The following ZNF423 variants were observed in gnomAD, a reference collection of about 807,000 sequenced individuals.
ZNF423 encodes the protein Ebf-associated zinc finger protein.
Under a neutral mutation model 95.8 loss-of-function variants are expected in ZNF423, and 12 were observed. That is an observed-to-expected ratio of 0.13 (90% CI 0.08 to 0.20). ZNF423 has a LOEUF of 0.20. Among genes scored for constraint, ZNF423 ranks in the 10% least tolerant of loss-of-function variants. The pLI is 1.00. For synonymous variants in ZNF423, 749 were observed against 711.9 expected, an observed-to-expected ratio of 1.05 and a Z score of -0.83; for missense variants, 1,316 against 1,737.1, an observed-to-expected ratio of 0.76 and a Z score of 4.31.
chr16:49,790,935 C>T (rs961686759), intron 1 of ZNF423, among the ~76,000 whole-genome samples: 5 of 152,104 alleles, frequency 3.3e-5, no homozygotes, highest in Non-Finnish European at 5.9e-5. Flanking sequence ...GAACAGTGGC[C>T]CAACCAACCG....
At chr16:49,823,377 T>G (rs893738363) in intron 1 of ZNF423, among the ~76,000 whole-genome samples, 14 of 152,208 alleles carry the variant, frequency 9.2e-5, no homozygotes, top group Non-Finnish European at 1.2e-4. Context: ...TTGTTTAATC[T>G]TCACAGCTGT....
intron 7 of ZNF423, among the ~76,000 whole-genome samples, chr16:49,516,056 G>A (rs1003428137): frequency 5.3e-5 from 8 of 152,208 alleles, no homozygotes; most frequent in South Asian, 4.1e-4. Flanking sequence ...CACGGCGCCC[G>A]GACGTGGCTC....
At chr16:49,491,742 CCGTGG>C (rs1396217235) in intron 7 of ZNF423, among the ~76,000 whole-genome samples, 1 of 152,118 alleles carries the variant, frequency 6.6e-6, no homozygotes, top group Non-Finnish European at 1.5e-5. Flanking sequence ...TCAGTCTTCC[CCGTGG>C]CTGCTCCGAG....
chr16:49,785,451 A>G (rs2034295422), intron 2 of ZNF423, among the ~76,000 whole-genome samples: 1 of 152,278 alleles, frequency 6.6e-6, no homozygotes, highest in Non-Finnish European at 1.5e-5. Context: ...ATCTCTAAAT[A>G]TACCAAAATT....
rs561578299 is a variant in ZNF423 at position 49,737,550 on chromosome 16, G to A, written c.101-6579C>T. ...GCTGGGAATACAGGTGTGAGCCACC[G>A]CACCCAGCTGATCCTGACTCTTAAC... is the stretch of plus-strand genomic sequence containing the variant. On this transcript the variant is annotated intron_variant, in intron 2 of 7. Coordinates refer to ENST00000563137, the MANE Select transcript of ZNF423 (RefSeq NM_001379286.1). Among the ~76,000 whole-genome samples, 22 of 152,290 alleles carry A rather than the reference G, an allele frequency of 1.4e-4. No individual in the cohort carries two copies. The South Asian group carries it at 3.5e-3, about 24-fold the overall frequency.
intron 1 of ZNF423, among the ~76,000 whole-genome samples, chr16:49,837,428 C>T (rs112188670): frequency 3.9e-5 from 6 of 152,208 alleles, no homozygotes; most frequent in Admixed American, 6.5e-5. Context: ...TGGAACCACA[C>T]AGTGCACAGA....
At chr16:49,597,643 C>G (rs1290820666) in intron 5 of ZNF423, among the ~76,000 whole-genome samples, 3 of 152,060 alleles carry the variant, frequency 2.0e-5, no homozygotes, top group African/African-American at 7.2e-5. Context: ...GCAAGCCTGC[C>G]TGGTGTCCAT....
chr16:49,668,457 C>A (rs2030645559), intron 3 of ZNF423, among the ~76,000 whole-genome samples: 1 of 152,160 alleles, frequency 6.6e-6, no homozygotes, highest in Non-Finnish European at 1.5e-5. Flanking sequence ...TTGTTGAGAC[C>A]CCAGGGAGTG....
intron 1 of ZNF423, among the ~76,000 whole-genome samples, chr16:49,836,923 C>T (rs964571811): frequency 2.0e-5 from 3 of 152,218 alleles, no homozygotes; most frequent in Non-Finnish European, 2.9e-5. Flanking sequence ...CAGGCCTCTA[C>T]ATTCCCCTGG....
At chr16:49,858,947 G>A (rs1421827539), upstream of ZNF423, among the ~76,000 whole-genome samples, 1 of 152,174 alleles carries the variant, frequency 6.6e-6, no homozygotes, top group African/African-American at 2.4e-5. The surrounding 1 kb of genome is among the most constrained non-coding windows in gnomAD (Gnocchi z 4.3). Flanking sequence ...ATTGGCCTCG[G>A]CTCTGGGGTG....
intron 1 of ZNF423, chr16:49,847,325 T>C (rs1271246212): frequency 6.6e-6 from 1 of 152,192 alleles, no homozygotes; most frequent in African/African-American, 2.4e-5. Flanking sequence ...CAGGACTGGG[T>C]AGGCCGAGGG....
upstream of ZNF423, among the ~76,000 whole-genome samples, chr16:49,858,717 G>GCC (rs35734564): frequency 0.15 from 20,339 of 132,620 alleles, 1,815 homozygotes; most frequent in East Asian, 0.21. This position sits in a 1 kb window ranked among gnomAD's most constrained non-coding sequence, Gnocchi z 4.3. Context: ...GGGAATAGGA[G>GCC]CCCCCCCCCC....
rs372172572 is a variant in ZNF423 at position 49,725,678 on chromosome 16, G to A, written c.301+5093C>T. On this transcript the variant is annotated intron_variant, in intron 3 of 7. Coordinates refer to ENST00000563137, the MANE Select transcript of ZNF423 (RefSeq NM_001379286.1). ...GAGGGCCAGCAGGGAGGGCTGCAGG[G>A]CGTGTGTTCCAGGCAGAGTCCCATA... is the stretch of plus-strand genomic sequence containing the variant. Among the ~76,000 whole-genome samples, 8 of 152,326 alleles carry A rather than the reference G, an allele frequency of 5.3e-5. No individual in the cohort carries two copies. In the South Asian group the frequency reaches 1.0e-3, roughly 20 times the overall value.
At chr16:49,678,238 T>TA (rs951275546) in intron 3 of ZNF423, among the ~76,000 whole-genome samples, 3 of 151,990 alleles carry the variant, frequency 2.0e-5, no homozygotes, top group East Asian at 3.9e-4. Context: ...ATTTTTTTTT[T>TA]AAAGCTACTA....
intron 5 of ZNF423, among the ~76,000 whole-genome samples, chr16:49,557,906 C>T (rs1969886501): frequency 6.6e-6 from 1 of 152,118 alleles, no homozygotes; most frequent in African/African-American, 2.4e-5. Flanking sequence ...TGGGCCTGGG[C>T]ACCTGGGGCC....
At chr16:49,854,905 G>A in intron 1 of ZNF423, 2 of 985,234 alleles carry the variant, frequency 2.0e-6, no homozygotes, top group Non-Finnish European at 2.4e-6. Context: ...GCCGGCCTGG[G>A]TGTCGAGGGT....
intron 1 of ZNF423, among the ~76,000 whole-genome samples, chr16:49,815,376 G>C (rs1187497098): frequency 6.6e-6 from 1 of 152,166 alleles, no homozygotes; most frequent in Non-Finnish European, 1.5e-5. Context: ...CTTTCCATGA[G>C]AAATCTAAGG....
At chr16:49,775,918 GTAACCC>G (rs2034112180) in intron 2 of ZNF423, among the ~76,000 whole-genome samples, 1 of 152,238 alleles carries the variant, frequency 6.6e-6, no homozygotes, top group Non-Finnish European at 1.5e-5. Context: ...AACCTTCAGT[GTAACCC>G]TAACCCTGAT....
chr16:49,590,736 G>T (rs889807014), intron 5 of ZNF423, among the ~76,000 whole-genome samples: 1 of 152,172 alleles, frequency 6.6e-6, no homozygotes, highest in Non-Finnish European at 1.5e-5. Context: ...AGAACCAGGG[G>T]CCTCCCAGTA....
Sources: allele counts gnomAD v4.1 joint callset (sites outside exome capture counted in the v4.1 genomes callset), GRCh38; gene constraint gnomAD v4.1.1; non-coding constraint Gnocchi (gnomAD v3.1); transcripts MANE v1.5; gene names NCBI Gene and HGNC (gene_info 2026-07-23, HGNC 2026-07-21).